The following MYO1E variants were observed in gnomAD, a reference collection of about 807,000 sequenced individuals.
MYO1E encodes the protein myosin IE.
A neutral mutation model predicts 151.1 loss-of-function variants in MYO1E; 68 were observed. The ratio of observed to expected loss-of-function variants is 0.45; its 90% CI spans 0.37 to 0.55. The LOEUF is 0.55. MYO1E is among the 20% of genes least tolerant of loss of function. The pLI, the probability that MYO1E is intolerant of heterozygous loss-of-function variation, is 0.00. For synonymous variants in MYO1E, 601 were observed against 501.7 expected (o/e 1.20, Z -2.64); for missense variants, 1,363 against 1,389.3 (o/e 0.98, Z 0.30).
intron 1 of MYO1E, among the ~76,000 whole-genome samples, chr15:59,288,568 T>A (rs948719194): frequency 6.6e-6 from 1 of 152,150 alleles, no homozygotes; most frequent in Non-Finnish European, 1.5e-5. Flanking sequence ...AAGTTTTGCA[T>A]TGGTTATTAA....
chr15:59,202,182 A>T (rs1596362681), intron 16 of MYO1E, 144 bp downstream of exon 16: 2 of 711,298 alleles, frequency 2.8e-6, no homozygotes, highest in Non-Finnish European at 4.9e-6. Flanking sequence ...ACCTTGTAAC[A>T]AGCAGCGATG....
chr15:59,301,507 G>C (rs1456249694), intron 1 of MYO1E, among the ~76,000 whole-genome samples: 1 of 152,214 alleles, frequency 6.6e-6, no homozygotes, highest in African/African-American at 2.4e-5. Flanking sequence ...CCTGCCTTAA[G>C]TGAAAGCACC....
At chr15:59,208,604 G>A (rs1482618821) in intron 14 of MYO1E, 77 bp downstream of exon 14, 17 of 1,533,556 alleles carry the variant, frequency 1.1e-5, no homozygotes, top group Admixed American at 1.7e-5. Context: ...CGAGCCATAT[G>A]ATTTGCTTCA....
intron 2 of MYO1E, among the ~76,000 whole-genome samples, chr15:59,263,977 AAATT>A (rs1448032727): frequency 6.6e-6 from 1 of 152,204 alleles, no homozygotes; most frequent in Non-Finnish European, 1.5e-5. Flanking sequence ...AGGCGTCATA[AAATT>A]AATTAAACAC....
intron 22 of MYO1E, among the ~76,000 whole-genome samples, chr15:59,166,182 G>T (rs1412085466): frequency 6.6e-6 from 1 of 152,196 alleles, no homozygotes; most frequent in East Asian, 1.9e-4. Context: ...CCAGGCATTG[G>T]AGCTAGGCAG....
chr15:59,351,069 T>C (rs1326669854), intron 1 of MYO1E, among the ~76,000 whole-genome samples: 1 of 152,102 alleles, frequency 6.6e-6, no homozygotes, highest in African/African-American at 2.4e-5. Flanking sequence ...GCTAATTTTT[T>C]TGTGTATTTT....
chr15:59,296,108 C>T (rs1426284355), intron 1 of MYO1E, among the ~76,000 whole-genome samples: 1 of 152,168 alleles, frequency 6.6e-6, no homozygotes, highest in Non-Finnish European at 1.5e-5. Context: ...GTCAGCTTAG[C>T]AATGCACCAC....
intron 1 of MYO1E, chr15:59,341,357 A>G (rs2080764661): frequency 6.6e-6 from 1 of 152,136 alleles, no homozygotes. Flanking sequence ...ATCCTTGCTC[A>G]GGAGCCATGC....
chr15:59,168,363 T>A (rs991411437), intron 22 of MYO1E, among the ~76,000 whole-genome samples: 1 of 151,830 alleles, frequency 6.6e-6, no homozygotes, highest in Non-Finnish European at 1.5e-5. Context: ...CTGGGTAACA[T>A]GGGGAAACCG....
rs753710977 is a variant in MYO1E at position 59,256,355 on chromosome 15, A to G, written c.261T>C (p.His87=). Residue 87 remains histidine (H), a synonymous_variant, in exon 4 of 28, where the codon CAT becomes CAC. Coordinates refer to ENST00000288235, the MANE Select transcript of MYO1E (RefSeq NM_004998.4). ...ACATATTATCTGCAAGGGCATAGAT[A>G]TGTGGTGGGTTTTCATACTGTGCCT... is the stretch of plus-strand genomic sequence containing the variant. ...QGAAQYENPP[H]IYALADNMYR... The G allele has an allele frequency of 1.9e-5, 30 of 1,612,006 alleles. No homozygotes were observed. Among genetic ancestry groups the G allele is most frequent in the Non-Finnish European group, 2.5e-5 (29 of 1,178,482 alleles).
chr15:59,308,770 C>G (rs1368147821), intron 1 of MYO1E, among the ~76,000 whole-genome samples: 1 of 148,328 alleles, frequency 6.7e-6, no homozygotes, highest in Non-Finnish European at 1.5e-5. Flanking sequence ...ACCCAGGAGA[C>G]GGAGGTCACA....
intron 1 of MYO1E, among the ~76,000 whole-genome samples, chr15:59,330,845 T>C (rs2080693824): frequency 6.6e-6 from 1 of 152,208 alleles, no homozygotes; most frequent in Non-Finnish European, 1.5e-5. Flanking sequence ...CATGGCTCAC[T>C]GCAACTTTGA....
At chr15:59,194,122 C>A (rs952966844) in intron 17 of MYO1E, among the ~76,000 whole-genome samples, 5 of 151,326 alleles carry the variant, frequency 3.3e-5, no homozygotes, top group Non-Finnish European at 5.9e-5. Flanking sequence ...TGCAGTGAAC[C>A]AAGATCATGC....
rs556838945 is a variant in MYO1E, at chr15:59,320,855, G to A, written c.4-48406C>T. Among the ~76,000 whole-genome samples, 3 of 152,264 alleles carry A rather than the reference G, an allele frequency of 2.0e-5. No homozygotes were observed. The East Asian group carries it at 5.8e-4, about 29-fold the overall frequency. ...AGGTGGAACCTGATTAAACTAAAGA[G>A]CTTCTGTACAGCAGAAGAAACTATT... is the stretch of plus-strand genomic sequence containing the variant. On this transcript the variant is annotated intron_variant, in intron 1 of 27. Coordinates refer to ENST00000288235, the MANE Select transcript of MYO1E (RefSeq NM_004998.4).
chr15:59,138,119 C>T, intron 27 of MYO1E, 79 bp downstream of exon 27: 1 of 1,557,720 alleles, frequency 6.4e-7, no homozygotes, highest in Non-Finnish European at 8.8e-7. Flanking sequence ...AAATTCTTTT[C>T]ATTTTCACAC....
intron 1 of MYO1E, among the ~76,000 whole-genome samples, chr15:59,288,393 T>G (rs1938732286): frequency 6.6e-6 from 1 of 152,144 alleles, no homozygotes; most frequent in African/African-American, 2.4e-5. Flanking sequence ...CCCAGGATGG[T>G]CTCGAACTCC....
At chr15:59,190,927 A>G (rs1021601219) in intron 17 of MYO1E, among the ~76,000 whole-genome samples, 1 of 152,088 alleles carries the variant, frequency 6.6e-6, no homozygotes, top group Admixed American at 6.6e-5. Context: ...TATACAGGAC[A>G]AGGCAGAGGG....
Position 59,174,136 on chromosome 15 carries a change from C to T in MYO1E, c.2154G>A (p.Met718Ile), listed in dbSNP as rs2079610860. The T allele has an allele frequency of 6.2e-7, 1 of 1,612,390 alleles. No homozygotes were observed. The highest frequency in any genetic ancestry group is 1.7e-5 in the Admixed American group (1 of 60,008). ...AAATTGCTAAAATACCTTCTTCTCT[C>T]ATTTGAACGTATTTCTTCCGGGCCA... ...KFVARKKYVQ[M>I]REEASDLLLN... The change falls in exon 20 of 28, where the codon ATG (methionine) becomes ATA (isoleucine). Residue 718 changes from methionine to isoleucine, a missense_variant. Transcript: ENST00000288235.
chr15:59,246,636 T>C (rs988450984), intron 4 of MYO1E, among the ~76,000 whole-genome samples: 4 of 152,164 alleles, frequency 2.6e-5, no homozygotes, highest in African/African-American at 9.7e-5. Context: ...CCTTATCTTT[T>C]TGAACCAGGT....
Sources: allele counts gnomAD v4.1 joint callset (sites outside exome capture counted in the v4.1 genomes callset), GRCh38; gene constraint gnomAD v4.1.1; transcripts MANE v1.5; gene names NCBI Gene and HGNC (gene_info 2026-07-23, HGNC 2026-07-21).